TAFA2: variants seen among roughly 807,000 people sequenced by gnomAD.
TAFA2 encodes the protein chemokine-like protein TAFA-2.
A neutral mutation model predicts 18.8 loss-of-function variants in TAFA2; 7 were observed. That is an observed-to-expected ratio of 0.37 (90% CI 0.21 to 0.70). The LOEUF is 0.70. TAFA2 is among the 30% of genes least tolerant of loss of function. TAFA2 has a pLI of 0.53. For missense variants in TAFA2, 122 were observed against 158.1 expected (o/e 0.77, Z 1.23); for synonymous variants, 60 against 54.2 (o/e 1.11, Z -0.47).
chr12:61,798,718 T>C (rs1179282937), intron 2 of TAFA2, among the ~76,000 whole-genome samples: 1 of 152,216 alleles, frequency 6.6e-6, no homozygotes, highest in Admixed American at 6.5e-5. Context: ...GGACAAGTAA[T>C]GAGAGTACAA....
chr12:61,848,210 G>A (rs1035276484), intron 2 of TAFA2, among the ~76,000 whole-genome samples: 2 of 152,074 alleles, frequency 1.3e-5, no homozygotes, highest in Non-Finnish European at 1.5e-5. Context: ...ATCGGAGCTG[G>A]TTATTATATG....
intron 1 of TAFA2, among the ~76,000 whole-genome samples, chr12:62,156,575 G>T (rs1199313249): frequency 6.6e-6 from 1 of 151,946 alleles, no homozygotes; most frequent in East Asian, 1.9e-4. Context: ...AGAGGATAAA[G>T]AAACTGTAAT....
chr12:61,937,837 G>C (rs917736806), intron 1 of TAFA2, among the ~76,000 whole-genome samples: 6 of 152,040 alleles, frequency 3.9e-5, no homozygotes, highest in Non-Finnish European at 8.8e-5. Flanking sequence ...CTTTTGTACA[G>C]CAAAAGAAAC....
At chr12:61,989,563 T>C (rs1879930054) in intron 1 of TAFA2, among the ~76,000 whole-genome samples, 1 of 152,152 alleles carries the variant, frequency 6.6e-6, no homozygotes. Flanking sequence ...TCAGAAAGAA[T>C]GGTTACTGCC....
chr12:62,159,633 T>C (rs2062392982), intron 1 of TAFA2, among the ~76,000 whole-genome samples: 1 of 152,006 alleles, frequency 6.6e-6, no homozygotes, highest in Non-Finnish European at 1.5e-5. Context: ...TTTGTCTTGA[T>C]TGGACTGAGT....
At chr12:62,149,384 G>A (rs1181194881) in intron 1 of TAFA2, among the ~76,000 whole-genome samples, 1 of 152,012 alleles carries the variant, frequency 6.6e-6, no homozygotes, top group Non-Finnish European at 1.5e-5. Flanking sequence ...AGCTTTCACA[G>A]AGGGGGGAAA....
At chr12:62,218,469 G>A (rs1565781784) in intron 1 of TAFA2, among the ~76,000 whole-genome samples, 1 of 152,134 alleles carries the variant, frequency 6.6e-6, no homozygotes, top group Non-Finnish European at 1.5e-5. Context: ...GATAATGTTA[G>A]CCTGGAGAAC....
At chr12:61,758,064 C>T (rs752307699) in intron 2 of TAFA2, among the ~76,000 whole-genome samples, 58 of 152,010 alleles carry the variant, frequency 3.8e-4, no homozygotes, top group Non-Finnish European at 7.2e-4. Flanking sequence ...TAGGACACTG[C>T]CTCCCCGTAG....
intron 4 of TAFA2, among the ~76,000 whole-genome samples, chr12:61,732,114 G>A (rs959952998): frequency 1.3e-5 from 2 of 152,092 alleles, no homozygotes; most frequent in African/African-American, 4.8e-5. Flanking sequence ...TGATGTAGAT[G>A]AGGAAGACTT....
At chr12:62,020,250 C>A (rs1172264723) in intron 1 of TAFA2, among the ~76,000 whole-genome samples, 1 of 152,132 alleles carries the variant, frequency 6.6e-6, no homozygotes, top group African/African-American at 2.4e-5. Flanking sequence ...TAAAATACAA[C>A]GTGAAAACTG....
chr12:61,910,100 T>TTGTGTGTTTG (rs1056909662), intron 1 of TAFA2, among the ~76,000 whole-genome samples: 1 of 144,906 alleles, frequency 6.9e-6, no homozygotes, highest in African/African-American at 2.6e-5. Flanking sequence ...GTGTGTGTGT[T>TTGTGTGTTTG]TGTGTGTGTG....
intron 1 of TAFA2, among the ~76,000 whole-genome samples, chr12:61,922,099 T>C (rs1877077332): frequency 7.2e-6 from 1 of 139,716 alleles, no homozygotes; most frequent in Admixed American, 6.7e-5. Flanking sequence ...CAGATTCGAT[T>C]TTGTGTAGAA....
chr12:61,893,947 A>G (rs975827615), intron 1 of TAFA2, among the ~76,000 whole-genome samples: 1 of 152,216 alleles, frequency 6.6e-6, no homozygotes, highest in Non-Finnish European at 1.5e-5. Context: ...TAGTTTCCCT[A>G]TATGAACCCA....
intron 1 of TAFA2, among the ~76,000 whole-genome samples, chr12:61,989,457 C>A (rs138268939): frequency 4.0e-5 from 6 of 149,736 alleles, no homozygotes; most frequent in African/African-American, 1.5e-4. Context: ...TATGTGAAAT[C>A]ATTCCTGGCT....
chr12:61,914,992 G>T (rs1876763429), intron 1 of TAFA2, among the ~76,000 whole-genome samples: 1 of 151,914 alleles, frequency 6.6e-6, no homozygotes, highest in African/African-American at 2.4e-5. Context: ...GTGAAACTCT[G>T]TCTACTAAAA....
At chr12:61,854,303 C>T (rs1873797575) in intron 2 of TAFA2, among the ~76,000 whole-genome samples, 1 of 151,830 alleles carries the variant, frequency 6.6e-6, no homozygotes, top group Non-Finnish European at 1.5e-5. Context: ...AAAGAAATCT[C>T]CCCCCAAAAA....
chr12:61,968,323 A>G (rs1174640016), intron 1 of TAFA2, among the ~76,000 whole-genome samples: 1 of 151,740 alleles, frequency 6.6e-6, no homozygotes, highest in African/African-American at 2.4e-5. Context: ...TCATTCTCCA[A>G]GCTGAGAAAA....
intron 1 of TAFA2, among the ~76,000 whole-genome samples, chr12:62,029,258 A>G (rs17654661): frequency 0.11 from 16,800 of 152,144 alleles, 1,077 homozygotes; most frequent in Non-Finnish European, 0.14. Context: ...GTTTCACTTG[A>G]CGGAAAGAAG....
intron 1 of TAFA2, among the ~76,000 whole-genome samples, chr12:62,223,338 C>T (rs1409322895): frequency 1.3e-5 from 2 of 152,034 alleles, no homozygotes; most frequent in Non-Finnish European, 2.9e-5. Flanking sequence ...GCCAACCATC[C>T]CTGGCTAATA....
Sources: gnomAD v4.1 joint callset for allele counts (sites outside exome capture counted in the v4.1 genomes callset) on GRCh38, gnomAD v4.1.1 for gene constraint, MANE v1.5 for transcripts, NCBI Gene and HGNC (gene_info 2026-07-23, HGNC 2026-07-21) for gene names.